The following ADAMTS9 variants were observed in gnomAD, a reference collection of about 807,000 sequenced individuals.
The protein encoded by ADAMTS9 is A disintegrin and metalloproteinase with thrombospondin motifs 9.
Under a neutral mutation model 257.1 loss-of-function variants are expected in ADAMTS9, and 107 were observed. The observed-to-expected ratio is 0.42, with a 90% CI of 0.36 to 0.49. The LOEUF is 0.49. Ranked by LOEUF, ADAMTS9 falls within the 20% of genes least tolerant of loss-of-function variation. The pLI, the probability that ADAMTS9 is intolerant of heterozygous loss-of-function variation, is 0.03. For missense variants in ADAMTS9, 2,353 were observed against 2,469.1 expected, an observed-to-expected ratio of 0.95 and a Z score of 1.00; for synonymous variants, 982 against 880.9, an observed-to-expected ratio of 1.11 and a Z score of -2.03.
intron 30 of ADAMTS9, among the ~76,000 whole-genome samples, chr3:64,553,789 A>T (rs941218755): frequency 2.0e-5 from 3 of 152,144 alleles, no homozygotes; most frequent in Non-Finnish European, 2.9e-5. Flanking sequence ...TGAGGTGAGC[A>T]TGGAGGAGCA....
At chr3:64,552,251 T>A (rs1013272382) in intron 30 of ADAMTS9, among the ~76,000 whole-genome samples, 3 of 152,154 alleles carry the variant, frequency 2.0e-5, no homozygotes, top group African/African-American at 7.2e-5. Context: ...ACAGAGCAAG[T>A]GGTATGTTTC....
intron 16 of ADAMTS9, among the ~76,000 whole-genome samples, chr3:64,623,449 T>C (rs1190323086): frequency 6.6e-6 from 1 of 152,096 alleles, no homozygotes; most frequent in Non-Finnish European, 1.5e-5. Context: ...CCTAGTTGAG[T>C]CTTCAGATAA....
intron 22 of ADAMTS9, among the ~76,000 whole-genome samples, chr3:64,612,604 G>A (rs1354376139): frequency 1.3e-5 from 2 of 152,144 alleles, no homozygotes; most frequent in Non-Finnish European, 2.9e-5. Context: ...GGTGAAGGGA[G>A]GGTCATTCTT....
At chr3:64,517,145 A>G (rs962646951) in intron 39 of ADAMTS9, 24 bp from the exon 40 acceptor site, 3 of 152,634 alleles carry the variant, frequency 2.0e-5, no homozygotes, top group African/African-American at 7.2e-5. Flanking sequence ...ACCAGAAAAT[A>G]TAAACCTTCT....
At chr3:64,613,644 T>C (rs1031382582) in intron 21 of ADAMTS9, 135 bp from the exon 22 acceptor site, 9 of 795,688 alleles carry the variant, frequency 1.1e-5, no homozygotes, top group Non-Finnish European at 1.5e-5. Flanking sequence ...TTTGTAAATA[T>C]ACTAAGCCTC....
At chr3:64,624,935 G>A (rs1249321277) in intron 16 of ADAMTS9, among the ~76,000 whole-genome samples, 3 of 151,758 alleles carry the variant, frequency 2.0e-5, no homozygotes. Flanking sequence ...CTTGAGTGTT[G>A]GGCTTGACAT....
At chr3:64,643,494 C>G (rs1375624342) in intron 11 of ADAMTS9, among the ~76,000 whole-genome samples, 2 of 130,932 alleles carry the variant, frequency 1.5e-5, no homozygotes, top group African/African-American at 3.0e-5. Flanking sequence ...CCTCTCTCAC[C>G]CAGGCTGGAG....
intron 8 of ADAMTS9, among the ~76,000 whole-genome samples, chr3:64,652,415 A>G (rs531533837): frequency 6.6e-6 from 1 of 152,346 alleles, no homozygotes; most frequent in Admixed American, 6.5e-5. Context: ...TAAAAGAACG[A>G]ATGCCTTGGT....
chr3:64,522,621 G>C (rs2082867712), intron 38 of ADAMTS9: 1 of 176,624 alleles, frequency 5.7e-6, no homozygotes, highest in African/African-American at 2.4e-5. Flanking sequence ...TAATTTACCT[G>C]ATGTCTATAG....
chr3:64,679,450 GGT>G (rs1447104129), intron 3 of ADAMTS9, among the ~76,000 whole-genome samples: 1 of 152,162 alleles, frequency 6.6e-6, no homozygotes, highest in Non-Finnish European at 1.5e-5. Context: ...AGTTAGGAAT[GGT>G]AACTACCTCA....
Position 64,633,813 on chromosome 3 carries a change from T to G in ADAMTS9, c.1923A>C (p.Pro641=). Residue 641 remains proline (P), a synonymous_variant, in exon 13 of 40, where the codon CCA becomes CCC. Coordinates refer to ENST00000498707, the MANE Select transcript of ADAMTS9 (RefSeq NM_182920.2). ...GGAAGTCTCGCTTCTGCTTGAGACA[T>G]GGCTCCGTGTTGCAGGACTTAAATT... The part of the protein sequence containing the change: ...RMKFKSCNTE[P]CLKQKRDFRD... 6.2e-7 allele frequency: 1 copy of G among 1,613,434 alleles called. No individual in the cohort carries two copies. Among genetic ancestry groups the G allele is most frequent in the Non-Finnish European group, 8.5e-7 (1 of 1,179,930 alleles).
chr3:64,564,920 A>C (rs1051292822), intron 29 of ADAMTS9, among the ~76,000 whole-genome samples: 1 of 152,180 alleles, frequency 6.6e-6, no homozygotes, highest in African/African-American at 2.4e-5. Flanking sequence ...CAAAAACACA[A>C]AGTAAAATTT....
At chr3:64,562,246 C>T (rs778854946) in intron 29 of ADAMTS9, among the ~76,000 whole-genome samples, 9 of 152,172 alleles carry the variant, frequency 5.9e-5, no homozygotes, top group Non-Finnish European at 1.2e-4. Context: ...TTTCTCCAGT[C>T]TCTTCCTTTT....
At chr3:64,519,362 A>G (rs1007688075) in intron 39 of ADAMTS9, among the ~76,000 whole-genome samples, 6 of 152,202 alleles carry the variant, frequency 3.9e-5, no homozygotes, top group African/African-American at 1.4e-4. Flanking sequence ...AGCCTTTTAA[A>G]TAAGCTCTGC....
At chr3:64,601,842 C>T in intron 26 of ADAMTS9, 102 bp downstream of exon 26, 1 of 1,396,444 alleles carries the variant, frequency 7.2e-7, no homozygotes, top group East Asian at 2.3e-5. Context: ...ATGTCAATCC[C>T]TTGTAAAGAA....
rs145674958 is a variant in ADAMTS9, at chr3:64,531,487, A to T, written c.5718+1679T>A. ...TGTGTACTTAAAAAAAAAAAAAAAG[A>T]GATGGTGTCTCACTTTGCAGCCCAG... On this transcript the variant is annotated intron_variant, in intron 38 of 39. Coordinates refer to ENST00000498707, the MANE Select transcript of ADAMTS9 (RefSeq NM_182920.2). Among the ~76,000 whole-genome samples the T allele has an allele frequency of 9.9e-3, 1,483 of 149,874 alleles. 50 individuals carry two copies. The highest frequency in any genetic ancestry group is 0.075 in the East Asian group (384 of 5,112).
At chr3:64,559,943 G>A (rs773872900) in intron 30 of ADAMTS9, among the ~76,000 whole-genome samples, 1 of 152,112 alleles carries the variant, frequency 6.6e-6, no homozygotes, top group Non-Finnish European at 1.5e-5. Context: ...GGCCATGGTA[G>A]GTCTGAAAAA....
intron 22 of ADAMTS9, among the ~76,000 whole-genome samples, chr3:64,611,836 A>G (rs1317889798): frequency 6.6e-6 from 1 of 152,148 alleles, no homozygotes; most frequent in Non-Finnish European, 1.5e-5. Flanking sequence ...GGCTTAATGT[A>G]TACAAGGTTT....
In ADAMTS9 at chr3:64,541,140, T is replaced by C; in HGVS notation, c.5476A>G (p.Ser1826Gly). The change falls in exon 36 of 40, where the codon AGT (serine) becomes GGT (glycine). Residue 1826 changes from serine to glycine, a missense_variant. By Grantham distance (56) the Ser-to-Gly change is moderately conservative (BLOSUM62 0). This residue lies in a region of ADAMTS9 where 1,402 missense variants were observed against 1,441.4 expected (regional missense o/e 0.97). Transcript: ENST00000498707. ...RKDYTAAGFSSFQKIRIDLTS... is the reference protein window; with the variant it reads ...RKDYTAAGFSGFQKIRIDLTS... ...AGGTCTATTCTGATTTTCTGAAAACTGGAAAACCCAGCGGCCGTGTAATCC... is the reference window on the plus strand; with the variant it reads ...AGGTCTATTCTGATTTTCTGAAAACCGGAAAACCCAGCGGCCGTGTAATCC... 2.5e-6 allele frequency: 4 copies of C among 1,614,200 alleles called. No individual in the cohort carries two copies. Among genetic ancestry groups the C allele is most frequent in the Non-Finnish European group, 3.4e-6 (4 of 1,180,024 alleles).
Sources: gnomAD v4.1 joint callset for allele counts (sites outside exome capture counted in the v4.1 genomes callset) on GRCh38, gnomAD v4.1.1 for gene constraint, gnomAD v4.1.1 regional missense constraint, MANE v1.5 for transcripts, NCBI Gene and HGNC (gene_info 2026-07-23, HGNC 2026-07-21) for gene names.